CD247: variants seen among roughly 807,000 people sequenced by gnomAD.
CD247 encodes CD247 molecule.
In CD247, 13 loss-of-function variants were observed where a neutral mutation model predicts 30.0. The ratio of observed to expected loss-of-function variants is 0.43; its 90% confidence interval spans 0.28 to 0.69. The LOEUF (loss-of-function observed/expected upper bound fraction) is 0.69. Among genes scored for constraint, CD247 ranks in the 30% least tolerant of loss-of-function variants. The pLI is 0.16. For synonymous variants in CD247, 72 were observed against 80.0 expected, an observed-to-expected ratio of 0.90 and a Z score of 0.53; for missense variants, 193 against 212.6, an observed-to-expected ratio of 0.91 and a Z score of 0.57.
intron 1 of CD247, among the ~76,000 whole-genome samples, chr1:167,453,815 C>G (rs1343774008): frequency 6.6e-6 from 1 of 152,070 alleles, no homozygotes; most frequent in Non-Finnish European, 1.5e-5. Context: ...ACAAAATTAG[C>G]TGGGTGTGGT....
chr1:167,466,843 C>CTTT (rs58330914), intron 1 of CD247, among the ~76,000 whole-genome samples: 1,530 of 144,908 alleles, frequency 0.011, 16 homozygotes, highest in African/African-American at 0.023. Flanking sequence ...TTATCCTCTT[C>CTTT]TTTTTTTTTT....
At chr1:167,470,221 A>G (rs1309657223) in intron 1 of CD247, among the ~76,000 whole-genome samples, 1 of 152,016 alleles carries the variant, frequency 6.6e-6, no homozygotes, top group Non-Finnish European at 1.5e-5. Flanking sequence ...GCCTTTTCTC[A>G]GTACTTTAAA....
intron 1 of CD247, among the ~76,000 whole-genome samples, chr1:167,455,523 G>A (rs1414877895): frequency 6.6e-6 from 1 of 152,184 alleles, no homozygotes; most frequent in Non-Finnish European, 1.5e-5. Flanking sequence ...GCCGCCAGCC[G>A]CGGCTCCCGT....
chr1:167,437,299 G>A lies in CD247; in HGVS notation c.300+1271C>T, dbSNP rs191749235. Among the ~76,000 whole-genome samples the A allele has an allele frequency of 6.6e-4, 101 of 152,184 alleles. 1 individual carries two copies. The highest frequency in any genetic ancestry group is 1.2e-3 in the South Asian group (6 of 4,816). On this transcript the variant is annotated intron_variant, in intron 4 of 7. Transcript: ENST00000362089. ...GCATGCCTGTAATCCCAGCTACTCG[G>A]GAGGCTGAGGCAGGAGAATTGCTTG...
intron 1 of CD247, among the ~76,000 whole-genome samples, chr1:167,452,871 G>A (rs928816958): frequency 6.6e-6 from 1 of 151,630 alleles, no homozygotes; most frequent in Non-Finnish European, 1.5e-5. Context: ...TATATGCCAG[G>A]CACATAGAGT....
intron 1 of CD247, among the ~76,000 whole-genome samples, chr1:167,463,916 T>C (rs1653130757): frequency 6.6e-6 from 1 of 152,184 alleles, no homozygotes; most frequent in Non-Finnish European, 1.5e-5. Flanking sequence ...GTTTGTTTGT[T>C]TTTAATGTTT....
chr1:167,443,667 G>A (rs1412351459), intron 1 of CD247, among the ~76,000 whole-genome samples: 1 of 152,148 alleles, frequency 6.6e-6, no homozygotes, highest in Non-Finnish European at 1.5e-5. Flanking sequence ...AACACAAAGG[G>A]GCAGGGGGAT....
chr1:167,501,286 C>T (rs1393388201), intron 1 of CD247, among the ~76,000 whole-genome samples: 3 of 151,924 alleles, frequency 2.0e-5, no homozygotes, highest in South Asian at 2.1e-4. Flanking sequence ...CTCAAACTCC[C>T]GACCTCGGGT....
At chr1:167,479,612 A>C (rs998019381) in intron 1 of CD247, among the ~76,000 whole-genome samples, 1 of 152,106 alleles carries the variant, frequency 6.6e-6, no homozygotes, top group Non-Finnish European at 1.5e-5. Context: ...GCTCCCCATC[A>C]TGTGGCTTTT....
At chr1:167,450,501 A>C (rs887666759) in intron 1 of CD247, among the ~76,000 whole-genome samples, 8 of 152,230 alleles carry the variant, frequency 5.3e-5, no homozygotes, top group African/African-American at 1.7e-4. Flanking sequence ...CTCAAAAAAA[A>C]ATAAGTGAAT....
intron 1 of CD247, among the ~76,000 whole-genome samples, chr1:167,475,609 A>G (rs1031498929): frequency 1.3e-5 from 2 of 152,188 alleles, no homozygotes; most frequent in Non-Finnish European, 2.9e-5. Flanking sequence ...AGGAAAGTAC[A>G]ATAACCACCT....
chr1:167,434,258 AC>A (rs1460250046), intron 5 of CD247, 182 bp from the exon 6 acceptor site: 8 of 657,928 alleles, frequency 1.2e-5, no homozygotes, highest in Admixed American at 1.1e-4. Flanking sequence ...GCTCCAGCCC[AC>A]CCCCCTCATC....
chr1:167,472,556 A>T (rs1653575858), intron 1 of CD247, among the ~76,000 whole-genome samples: 1 of 152,034 alleles, frequency 6.6e-6, no homozygotes, highest in African/African-American at 2.4e-5. Flanking sequence ...TTTTTTTTCA[A>T]GGGGACAGTA....
chr1:167,509,811 G>C (rs536910603), intron 1 of CD247, among the ~76,000 whole-genome samples: 1 of 152,304 alleles, frequency 6.6e-6, no homozygotes, highest in East Asian at 1.9e-4. Flanking sequence ...GGTGAACAGG[G>C]TTTCCGCAGG....
At chr1:167,502,188 C>T (rs1389943879) in intron 1 of CD247, among the ~76,000 whole-genome samples, 1 of 152,202 alleles carries the variant, frequency 6.6e-6, no homozygotes, top group Non-Finnish European at 1.5e-5. Context: ...CTAATGCCAC[C>T]TAATGGCAAA....
chr1:167,507,925 T>C (rs1262070053), intron 1 of CD247, among the ~76,000 whole-genome samples: 1 of 152,158 alleles, frequency 6.6e-6, no homozygotes, highest in African/African-American at 2.4e-5. Context: ...TGACAGGAAT[T>C]TTCTGAGGAA....
chr1:167,482,567 A>G (rs2995098), intron 1 of CD247, among the ~76,000 whole-genome samples: 59,084 of 151,794 alleles, frequency 0.39, 11,590 homozygotes, highest in Middle Eastern at 0.49. Flanking sequence ...GCTGGGGCCA[A>G]GGGCTGACTT....
intron 1 of CD247, among the ~76,000 whole-genome samples, chr1:167,482,993 A>ATTCTTTCTTTCTTTCTTTCTTTCTTTCT (rs146766315): frequency 1.5e-5 from 2 of 135,832 alleles, no homozygotes; most frequent in Admixed American, 8.0e-5. Context: ...ACTAACCAAT[A>ATTCTTTCTTTCTTTCTTTCTTTCTTTCT]TTCTTTCTTT....
At chr1:167,484,400 C>A (rs535101156) in intron 1 of CD247, among the ~76,000 whole-genome samples, 1 of 152,342 alleles carries the variant, frequency 6.6e-6, no homozygotes, top group African/African-American at 2.4e-5. Flanking sequence ...GTACACCCTT[C>A]CCCTTTGGGA....
Sources: gnomAD v4.1 joint callset for allele counts (sites outside exome capture counted in the v4.1 genomes callset) on GRCh38, gnomAD v4.1.1 for gene constraint, MANE v1.5 for transcripts, NCBI Gene and HGNC (gene_info 2026-07-23, HGNC 2026-07-21) for gene names.